NECAB1: variants seen among roughly 807,000 people sequenced by gnomAD.
NECAB1 encodes the protein N-terminal EF-hand calcium-binding protein 1.
A neutral mutation model predicts 57.5 loss-of-function variants in NECAB1; 29 were observed. That is an observed-to-expected ratio of 0.50 (90% CI 0.38 to 0.69). The LOEUF (loss-of-function observed/expected upper bound fraction) is 0.69, where lower values mean the gene tolerates loss of function less well. NECAB1 is among the 30% of genes least tolerant of loss of function. NECAB1 has a pLI of 0.00. For missense variants in NECAB1, 372 were observed against 413.8 expected, an observed-to-expected ratio of 0.90 and a Z score of 0.88; for synonymous variants, 142 against 147.7, an observed-to-expected ratio of 0.96 and a Z score of 0.28.
At position 90,923,421 on chromosome 8, in the gene NECAB1, C is replaced by T. The variant is rs150465743; in HGVS notation, c.495-2114C>T. Among the ~76,000 whole-genome samples the T allele has an allele frequency of 1.9e-3, 292 of 152,278 alleles. 1 individual carries two copies. Among genetic ancestry groups the T allele is most frequent in the African/African-American group, 6.7e-3 (280 of 41,540 alleles). Reference sequence around the variant, plus strand: ...GTTGGGGCGTGCTTCTTTGAGGGATCTGATTAATCCCAGAGAAAAGACTTA... The same window carrying T: ...GTTGGGGCGTGCTTCTTTGAGGGATTTGATTAATCCCAGAGAAAAGACTTA... On this transcript the variant is annotated intron_variant, in intron 6 of 12. Transcript: ENST00000417640.
At chr8:90,886,141 C>T (rs2129913006) in intron 5 of NECAB1, among the ~76,000 whole-genome samples, 1 of 152,214 alleles carries the variant, frequency 6.6e-6, no homozygotes, top group East Asian at 1.9e-4. Context: ...CCATGTCAAA[C>T]AATGGATATT....
chr8:90,809,049 T>G (rs1299311312), intron 2 of NECAB1, among the ~76,000 whole-genome samples: 1 of 152,212 alleles, frequency 6.6e-6, no homozygotes, highest in African/African-American at 2.4e-5. Flanking sequence ...ATGACCACCT[T>G]ACTAAGACTC....
At chr8:90,911,459 A>G (rs981983596) in intron 5 of NECAB1, among the ~76,000 whole-genome samples, 2 of 152,140 alleles carry the variant, frequency 1.3e-5, no homozygotes, top group Non-Finnish European at 2.9e-5. Context: ...TTACTAATTT[A>G]CTATACTTGA....
intron 10 of NECAB1, among the ~76,000 whole-genome samples, chr8:90,943,974 A>G (rs1025769464): frequency 6.6e-6 from 1 of 151,826 alleles, no homozygotes; most frequent in African/African-American, 2.4e-5. Flanking sequence ...CTGGTCTTGA[A>G]CCCCCAGGCT....
chr8:90,854,060 A>G (rs1339376766), intron 3 of NECAB1, among the ~76,000 whole-genome samples: 1 of 152,208 alleles, frequency 6.6e-6, no homozygotes, highest in East Asian at 1.9e-4. Flanking sequence ...CCTTGATACT[A>G]TCTGGGAGGC....
At chr8:90,899,231 A>G (rs902446789) in intron 5 of NECAB1, among the ~76,000 whole-genome samples, 15 of 152,066 alleles carry the variant, frequency 9.9e-5, no homozygotes, top group Admixed American at 6.5e-5. Flanking sequence ...CTGATCCCCA[A>G]GGTGTGGCAG....
At chr8:90,936,604 T>G (rs760925597) in intron 9 of NECAB1, among the ~76,000 whole-genome samples, 2 of 152,174 alleles carry the variant, frequency 1.3e-5, no homozygotes, top group Non-Finnish European at 2.9e-5. Context: ...AAAGTAGAAT[T>G]GCTCTTTGCT....
intron 10 of NECAB1, among the ~76,000 whole-genome samples, chr8:90,941,124 G>A (rs1323486998): frequency 2.6e-5 from 4 of 152,110 alleles, no homozygotes; most frequent in African/African-American, 9.7e-5. Flanking sequence ...ACCCCGTGTC[G>A]TCTGATCATT....
At chr8:90,826,864 T>G (rs75501843) in intron 3 of NECAB1, among the ~76,000 whole-genome samples, 2,494 of 152,024 alleles carry the variant, frequency 0.016, 79 homozygotes, top group African/African-American at 0.057. Flanking sequence ...ATGTAATGAT[T>G]TATACAGTAA....
chr8:90,929,577 G>A (rs553171611), intron 8 of NECAB1, among the ~76,000 whole-genome samples: 12 of 152,260 alleles, frequency 7.9e-5, no homozygotes, highest in African/African-American at 2.6e-4. Flanking sequence ...CTGCTTCCCA[G>A]AAGGAAGAGT....
At chr8:90,808,437 T>C (rs1189951580) in intron 2 of NECAB1, among the ~76,000 whole-genome samples, 2 of 151,800 alleles carry the variant, frequency 1.3e-5, no homozygotes, top group Non-Finnish European at 2.9e-5. Flanking sequence ...TGGGCTCAAA[T>C]CCCCATTCCA....
rs1809934081 is a variant in NECAB1 at position 90,915,680 on chromosome 8, TA to T, written c.358-1811del. ...CATGATCACACAGTAAAGTCCCACA[TA>T]GGCCCTCTGCAAGTTGAGGAGCAAG... On this transcript the variant is annotated intron_variant, in intron 5 of 12. Transcript: ENST00000417640. Among the ~76,000 whole-genome samples, 5 of 152,320 alleles carry T rather than the reference TA, an allele frequency of 3.3e-5. No homozygotes were observed. The South Asian group carries it at 1.0e-3, about 32-fold the overall frequency.
chr8:90,938,880 G>T (rs989349781), intron 9 of NECAB1, among the ~76,000 whole-genome samples: 12 of 152,182 alleles, frequency 7.9e-5, no homozygotes. Context: ...TTTAGGCTGG[G>T]ATCAACTGGC....
chr8:90,924,144 A>G lies in NECAB1; in HGVS notation c.495-1391A>G, dbSNP rs180700920. ...GCCATATGCAAATAATCAAGAAAAC[A>G]CTAGATTTTTCACTAGTGACTCTGG... On this transcript the variant is annotated intron_variant, in intron 6 of 12. Transcript: ENST00000417640. Among the ~76,000 whole-genome samples, 623 of 152,310 alleles carry G rather than the reference A, an allele frequency of 4.1e-3. 2 individuals carry two copies. The highest frequency in any genetic ancestry group is 6.2e-3 in the Non-Finnish European group (420 of 68,026).
intron 3 of NECAB1, among the ~76,000 whole-genome samples, chr8:90,854,123 A>G (rs983688610): frequency 3.3e-5 from 5 of 152,170 alleles, no homozygotes; most frequent in African/African-American, 1.2e-4. Flanking sequence ...TGTAAGTTTC[A>G]AGCTTTATGA....
intron 3 of NECAB1, among the ~76,000 whole-genome samples, chr8:90,852,931 C>T (rs1812713252): frequency 6.6e-6 from 1 of 152,248 alleles, no homozygotes; most frequent in Admixed American, 6.5e-5. Context: ...CACACTGGCC[C>T]TTTGCCCTCG....
rs116660763 is a variant in NECAB1, at chr8:90,841,295, G to C, written c.233+16470G>C. On this transcript the variant is annotated intron_variant, in intron 3 of 12. Transcript: ENST00000417640. ...AAAAAAAAAAAGGGACCAAGTAGTT[G>C]AGGTAGTTCATTGGAAAATAGTGCA... Among the ~76,000 whole-genome samples, 214 of 151,714 alleles carry C rather than the reference G, an allele frequency of 1.4e-3. 1 individual carries two copies. The highest frequency in any genetic ancestry group is 5.1e-3 in the African/African-American group (209 of 41,352).
intron 2 of NECAB1, among the ~76,000 whole-genome samples, chr8:90,808,835 C>T (rs1302727397): frequency 3.3e-5 from 5 of 151,718 alleles, no homozygotes; most frequent in Non-Finnish European, 4.4e-5. Flanking sequence ...TTAGTAGAGA[C>T]GGGGTTTCAC....
chr8:90,911,521 T>A (rs1809830471), intron 5 of NECAB1, among the ~76,000 whole-genome samples: 1 of 152,188 alleles, frequency 6.6e-6, no homozygotes, highest in African/African-American at 2.4e-5. Context: ...GCACTTGAAC[T>A]CTACATATTA....
Sources: gnomAD v4.1 joint callset for allele counts (sites outside exome capture counted in the v4.1 genomes callset) on GRCh38, gnomAD v4.1.1 for gene constraint, MANE v1.5 for transcripts, NCBI Gene and HGNC (gene_info 2026-07-23, HGNC 2026-07-21) for gene names.